RADX: variants seen among roughly 807,000 people sequenced by gnomAD.
The protein encoded by RADX is RPA1 related single stranded DNA binding protein, X-linked.
A neutral mutation model predicts 61.6 loss-of-function variants in RADX; 36 were observed. That is an observed-to-expected ratio of 0.58 (90% CI 0.45 to 0.77). RADX has a LOEUF of 0.77. RADX is among the 30% of genes least tolerant of loss of function. The pLI is 0.00. For missense variants in RADX, 497 were observed against 651.1 expected (o/e 0.76, Z 2.58); for synonymous variants, 272 against 237.9 (o/e 1.14, Z -1.32).
At chrX:106,619,350 A>G (rs1418760892) in intron 1 of RADX, among the ~76,000 whole-genome samples, 3 of 111,725 alleles carry the variant, frequency 2.7e-5, no homozygotes, top group African/African-American at 9.8e-5. Flanking sequence ...CTAAATAAGT[A>G]TTGTATTTAG....
At chrX:106,640,089 AC>A (rs1228823549) in intron 9 of RADX, among the ~76,000 whole-genome samples, 1 of 107,712 alleles carries the variant, frequency 9.3e-6, no homozygotes, top group African/African-American at 3.4e-5. Context: ...TTAATTTCCT[AC>A]CTTTTGTCCA....
At chrX:106,635,433 C>T (rs192492378) in intron 6 of RADX, among the ~76,000 whole-genome samples, 36 of 111,272 alleles carry the variant, frequency 3.2e-4, no homozygotes, top group African/African-American at 1.1e-3. Context: ...TGTAAGAACA[C>T]GTAACATGAG....
In RADX at chrX:106,633,143, T is replaced by C; in HGVS notation, c.1194T>C (p.Asp398=). The change falls in exon 6 of 14, where the codon GAT becomes GAC. Residue 398 remains aspartate (D), a synonymous_variant. Coordinates refer to ENST00000372548, the MANE Select transcript of RADX (RefSeq NM_018015.6). ...QRSKKKENRE[D]FWSYRWIHIA... is the part of the protein sequence containing the mutation. The stretch of plus-strand genomic sequence containing the variant: ...CTATCCATATAGAAAACCGTGAAGA[T>C]TTTTGGTCATATCGCTGGATTCACA... The C allele has an allele frequency of 3.3e-6, 4 of 1,203,366 alleles. No homozygotes were observed. The highest frequency in any genetic ancestry group is 4.5e-6 in the Non-Finnish European group (4 of 888,198).
At chrX:106,660,728 C>A (rs1928068539) in intron 11 of RADX, among the ~76,000 whole-genome samples, 1 of 111,910 alleles carries the variant, frequency 8.9e-6, no homozygotes. Context: ...ATTACTTGTA[C>A]CAAATTCCTT....
At chrX:106,620,086 T>C (rs1926906091) in intron 1 of RADX, among the ~76,000 whole-genome samples, 2 of 111,516 alleles carry the variant, frequency 1.8e-5, no homozygotes, top group African/African-American at 6.5e-5. Context: ...ACTCTTATGC[T>C]CTCGCAAGTG....
intron 12 of RADX, among the ~76,000 whole-genome samples, chrX:106,665,993 AATAGATTATAACCATT>A (rs1206087065): frequency 9.0e-6 from 1 of 111,443 alleles, no homozygotes; most frequent in Admixed American, 9.6e-5. Context: ...GCCTCAAATC[AATAGATTATAACCATT>A]AAAACCTCAG....
chrX:106,672,342 GTC>G (rs779519044), intron 13 of RADX, among the ~76,000 whole-genome samples: 1 of 111,525 alleles, frequency 9.0e-6, no homozygotes, highest in South Asian at 3.8e-4. Context: ...TCCACTTTCT[GTC>G]TCTAGAAATT....
intron 1 of RADX, among the ~76,000 whole-genome samples, chrX:106,617,426 C>T (rs999187093): frequency 2.7e-5 from 3 of 111,378 alleles, no homozygotes; most frequent in African/African-American, 9.8e-5. Context: ...TTCACATATT[C>T]CAGATCCTTA....
chrX:106,620,579 C>G (rs2147611751), intron 1 of RADX, among the ~76,000 whole-genome samples: 1 of 110,305 alleles, frequency 9.1e-6, no homozygotes, highest in Admixed American at 9.7e-5. Flanking sequence ...GAGGCTGAGG[C>G]AGGAGAATCA....
intron 8 of RADX, 197 bp downstream of exon 8, chrX:106,638,121 C>G: frequency 2.7e-6 from 1 of 376,667 alleles, no homozygotes; most frequent in Non-Finnish European, 4.6e-6. Flanking sequence ...TTCCCTATAT[C>G]TCGCATGGTG....
At chrX:106,676,041 A>G (rs988361608) in intron 13 of RADX, among the ~76,000 whole-genome samples, 32 of 112,030 alleles carry the variant, frequency 2.9e-4, no homozygotes, top group African/African-American at 1.0e-3. Context: ...GCTGAACAGA[A>G]GACTTATTTA....
chrX:106,670,182 ATT>A (rs60551685), intron 13 of RADX, among the ~76,000 whole-genome samples: 1 of 107,489 alleles, frequency 9.3e-6, no homozygotes, highest in African/African-American at 3.4e-5. Flanking sequence ...ATAAGAGATG[ATT>A]TTTTTTTTAT....
chrX:106,631,805 G>A (rs866599923), intron 3 of RADX, among the ~76,000 whole-genome samples: 2 of 93,961 alleles, frequency 2.1e-5, no homozygotes, highest in Non-Finnish European at 4.1e-5. Context: ...AAAGAAAGAA[G>A]AAAGAAAGAG....
intron 11 of RADX, among the ~76,000 whole-genome samples, chrX:106,657,808 G>A (rs754955616): frequency 8.1e-5 from 9 of 111,060 alleles, no homozygotes; most frequent in Admixed American, 1.9e-4. Context: ...TACAATAGTA[G>A]CATCAGAGAT....
rs758731712 is a variant in RADX, at chrX:106,612,414, C to T, written c.334C>T (p.Pro112Ser). 1.7e-6 allele frequency: 2 copies of T among 1,209,376 alleles called. No individual in the cohort carries two copies. Among genetic ancestry groups the T allele is most frequent in the Non-Finnish European group, 2.2e-6 (2 of 894,963 alleles). Residue 112 changes from proline (P) to serine (S), a missense_variant, in exon 1 of 14, where the codon CCC (proline) becomes TCC (serine). By Grantham distance (74) the Pro-to-Ser change is moderately conservative. This residue lies in a region of RADX where 196 missense variants were observed against 315.0 expected (regional missense o/e 0.62). Coordinates refer to ENST00000372548, the MANE Select transcript of RADX (RefSeq NM_018015.6). The part of the protein sequence containing the change: ...GVYQEKCYLD[P>S]SLNSLVYQNI... Reference sequence around the variant, plus strand: ...GTACCAGGAGAAGTGCTACCTGGACCCCAGCTTGAACTCTCTCGTATATCA... The same window carrying T: ...GTACCAGGAGAAGTGCTACCTGGACTCCAGCTTGAACTCTCTCGTATATCA...
chrX:106,656,905 G>A (rs942818494), intron 11 of RADX, among the ~76,000 whole-genome samples: 1 of 111,689 alleles, frequency 9.0e-6, no homozygotes, highest in African/African-American at 3.3e-5. Context: ...AATGGTAAAT[G>A]AGCATTGGTT....
chrX:106,676,121 C>G (rs1208751343), intron 13 of RADX, among the ~76,000 whole-genome samples: 1 of 112,085 alleles, frequency 8.9e-6, no homozygotes, highest in African/African-American at 3.2e-5. Context: ...TTAGAATTAT[C>G]TGTTATCATC....
chrX:106,653,779 A>T (rs921662444), intron 11 of RADX, among the ~76,000 whole-genome samples: 2 of 110,939 alleles, frequency 1.8e-5, no homozygotes, highest in Admixed American at 9.7e-5. Flanking sequence ...TAGTGAGAAC[A>T]TGCAGTGTTT....
intron 6 of RADX, among the ~76,000 whole-genome samples, chrX:106,636,228 A>C (rs989773515): frequency 9.0e-6 from 1 of 111,498 alleles, no homozygotes; most frequent in Non-Finnish European, 1.9e-5. Context: ...CAACAAACAA[A>C]TGACTTTAGT....
Sources: gnomAD v4.1 joint callset for allele counts (sites outside exome capture counted in the v4.1 genomes callset) on GRCh38, gnomAD v4.1.1 for gene constraint, gnomAD v4.1.1 regional missense constraint, MANE v1.5 for transcripts, NCBI Gene and HGNC (gene_info 2026-07-23, HGNC 2026-07-21) for gene names.